The following FRMD4A variants were observed in gnomAD, a reference collection of about 807,000 sequenced individuals.
FRMD4A encodes the protein FERM domain containing 4A.
FRMD4A carries 29 observed loss-of-function variants against 129.1 expected under a neutral mutation model. That is an observed-to-expected ratio of 0.22 (90% CI 0.17 to 0.31). The LOEUF (loss-of-function observed/expected upper bound fraction) is 0.31. FRMD4A is among the 10% of genes least tolerant of loss of function. FRMD4A has a pLI of 1.00. For synonymous variants in FRMD4A, 634 were observed against 571.6 expected, an observed-to-expected ratio of 1.11 and a Z score of -1.56; for missense variants, 1,272 against 1,375.8, an observed-to-expected ratio of 0.92 and a Z score of 1.19.
chr10:14,049,387 T>C (rs17154513), intron 2 of FRMD4A, among the ~76,000 whole-genome samples: 8,148 of 152,128 alleles, frequency 0.054, 382 homozygotes, highest in East Asian at 0.13. Flanking sequence ...TCAGGAGCAA[T>C]GCACTGGCAA....
intron 2 of FRMD4A, among the ~76,000 whole-genome samples, chr10:14,311,141 G>A (rs905202043): frequency 2.0e-5 from 3 of 151,998 alleles, no homozygotes; most frequent in Non-Finnish European, 1.5e-5. Context: ...CCACCAGTGC[G>A]CCAGCAACAG....
chr10:14,209,837 G>C (rs1842888443), intron 2 of FRMD4A, among the ~76,000 whole-genome samples: 1 of 152,102 alleles, frequency 6.6e-6, no homozygotes, highest in African/African-American at 2.4e-5. Flanking sequence ...GCAGTGAGCT[G>C]TGATCATGCC....
chr10:14,185,910 G>T (rs865784715), intron 2 of FRMD4A, among the ~76,000 whole-genome samples: 2 of 152,128 alleles, frequency 1.3e-5, no homozygotes, highest in Admixed American at 6.5e-5. Context: ...AGAGAGACTG[G>T]GCAGGAACTG....
chr10:13,997,708 G>C (rs1238275592), intron 2 of FRMD4A, among the ~76,000 whole-genome samples: 1 of 147,772 alleles, frequency 6.8e-6, no homozygotes, highest in Non-Finnish European at 1.5e-5. Context: ...CTGCAGCCTC[G>C]ACCTCTTGGG....
At chr10:13,770,982 T>C (rs1478081388) in intron 6 of FRMD4A, among the ~76,000 whole-genome samples, 1 of 152,234 alleles carries the variant, frequency 6.6e-6, no homozygotes, top group African/African-American at 2.4e-5. Context: ...TAGCAAAGCA[T>C]GTTGAAGGTA....
chr10:13,937,104 C>T (rs1482674713), intron 2 of FRMD4A, among the ~76,000 whole-genome samples: 1 of 152,220 alleles, frequency 6.6e-6, no homozygotes, highest in Non-Finnish European at 1.5e-5. Flanking sequence ...CAAATGTTCT[C>T]TGGGGGTGAC....
intron 9 of FRMD4A, among the ~76,000 whole-genome samples, chr10:13,744,107 G>A (rs1311771895): frequency 1.3e-5 from 2 of 152,164 alleles, no homozygotes; most frequent in African/African-American, 4.8e-5. Context: ...GATGGAAGGG[G>A]AAACAGGGAT....
intron 2 of FRMD4A, among the ~76,000 whole-genome samples, chr10:14,311,913 T>C (rs547008230): frequency 2.0e-5 from 3 of 152,322 alleles, no homozygotes; most frequent in Admixed American, 1.3e-4. Context: ...CATAAGGTCA[T>C]TGAAGTGAGG....
intron 2 of FRMD4A, among the ~76,000 whole-genome samples, chr10:13,976,980 A>T (rs1165103994): frequency 6.6e-6 from 1 of 152,226 alleles, no homozygotes; most frequent in Non-Finnish European, 1.5e-5. Context: ...AGCCCAGTAC[A>T]GTTGAGGCCT....
intron 2 of FRMD4A, among the ~76,000 whole-genome samples, chr10:13,921,270 C>CTCTTCTCTCTTTCTCTCTT: frequency 1.3e-5 from 2 of 148,198 alleles, no homozygotes; most frequent in South Asian, 2.1e-4. Context: ...CTCTCTTTCT[C>CTCTTCTCTCTTTCTCTCTT]TCTTTCTTTC....
chr10:14,050,882 A>T (rs541655184), intron 2 of FRMD4A, among the ~76,000 whole-genome samples: 2 of 152,274 alleles, frequency 1.3e-5, no homozygotes, highest in Admixed American at 1.3e-4. Context: ...TTTATAATAA[A>T]CTGGTAAACA....
At chr10:14,286,738 C>T (rs1845692133) in intron 2 of FRMD4A, among the ~76,000 whole-genome samples, 1 of 152,134 alleles carries the variant, frequency 6.6e-6, no homozygotes, top group Non-Finnish European at 1.5e-5. Flanking sequence ...GAAAACCCTG[C>T]ATGTGCTCTG....
At chr10:13,729,540 A>T (rs1205335076) in intron 12 of FRMD4A, 2 of 152,138 alleles carry the variant, frequency 1.3e-5, no homozygotes, top group African/African-American at 2.4e-5. Context: ...TTCCTGTCTC[A>T]TCATCTCATT....
At chr10:14,129,115 G>T (rs970451524) in intron 2 of FRMD4A, among the ~76,000 whole-genome samples, 2 of 151,728 alleles carry the variant, frequency 1.3e-5, no homozygotes, top group Non-Finnish European at 2.9e-5. Context: ...CCAAACCCAT[G>T]ACTTGCCTGA....
intron 15 of FRMD4A, among the ~76,000 whole-genome samples, chr10:13,681,303 A>G (rs996134394): frequency 1.3e-5 from 2 of 152,184 alleles, no homozygotes; most frequent in African/African-American, 4.8e-5. Flanking sequence ...CTGCTTCATC[A>G]ACAGACCGAA....
intron 2 of FRMD4A, among the ~76,000 whole-genome samples, chr10:13,955,112 C>CTGTTTTTTTTTTTTTTTTTTT (rs2095401700): frequency 9.7e-6 from 1 of 102,974 alleles, no homozygotes; most frequent in Non-Finnish European, 1.8e-5. Context: ...AATAATTCTG[C>CTGTTTTTTTTTTTTTTTTTTT]TTTTTTTTTT....
chr10:13,691,137 A>G lies in FRMD4A; in HGVS notation c.1117+2761T>C, dbSNP rs556769517. The stretch of plus-strand genomic sequence containing the variant: ...AAAATAACTGGGATTACAGGTGTGC[A>G]CCACCATGCCTGGCTAAGTTTTGTA... On this transcript the variant is annotated intron_variant, in intron 15 of 24. Transcript: ENST00000357447. Among the ~76,000 whole-genome samples the G allele has an allele frequency of 1.3e-3, 203 of 152,306 alleles. 1 individual carries two copies. The highest frequency in any genetic ancestry group is 6.1e-3 in the Admixed American group (93 of 15,304).
At chr10:13,695,435 C>T (rs1333380730) in intron 14 of FRMD4A, among the ~76,000 whole-genome samples, 1 of 152,206 alleles carries the variant, frequency 6.6e-6, no homozygotes, top group Non-Finnish European at 1.5e-5. Context: ...GCCACCGCGC[C>T]TGGCTAAAGC....
At chr10:13,780,562 A>G (rs2092708670) in intron 6 of FRMD4A, among the ~76,000 whole-genome samples, 1 of 152,208 alleles carries the variant, frequency 6.6e-6, no homozygotes, top group Non-Finnish European at 1.5e-5. Flanking sequence ...ACAAATGGCC[A>G]ACAGCATGCG....
Sources: gnomAD v4.1 joint callset for allele counts (sites outside exome capture counted in the v4.1 genomes callset) on GRCh38, gnomAD v4.1.1 for gene constraint, MANE v1.5 for transcripts, NCBI Gene and HGNC (gene_info 2026-07-23, HGNC 2026-07-21) for gene names.